Variants in LMLN observed in about 807,000 individuals in gnomAD.
The protein encoded by LMLN is leishmanolysin like peptidase.
In LMLN, 70 loss-of-function variants were observed where a neutral mutation model predicts 92.3. The ratio of observed to expected loss-of-function variants is 0.76; its 90% CI spans 0.63 to 0.92. LMLN has a LOEUF of 0.92. LMLN is among the 40% of genes least tolerant of loss of function. The pLI, the probability that LMLN is intolerant of heterozygous loss-of-function variation, is 0.00. For missense variants in LMLN, 691 were observed against 814.6 expected (o/e 0.85, Z 1.85); for synonymous variants, 308 against 296.2 (o/e 1.04, Z -0.41).
intron 10 of LMLN, among the ~76,000 whole-genome samples, chr3:197,998,169 A>G (rs1174869444): frequency 6.6e-6 from 1 of 152,220 alleles, no homozygotes; most frequent in Non-Finnish European, 1.5e-5. Context: ...CAAGACCACA[A>G]TAGACAGATG....
intron 9 of LMLN, 112 bp downstream of exon 9, chr3:197,990,788 G>A (rs1396571185): frequency 1.2e-5 from 7 of 571,662 alleles, no homozygotes; most frequent in Admixed American, 2.5e-5. Flanking sequence ...GCCTATAGTA[G>A]GAAAAGTCAT....
At chr3:197,995,277 T>C (rs1162776754) in intron 9 of LMLN, among the ~76,000 whole-genome samples, 1 of 152,166 alleles carries the variant, frequency 6.6e-6, no homozygotes, top group Non-Finnish European at 1.5e-5. Flanking sequence ...GAGAATTGAC[T>C]GTGCAGTTAC....
At chr3:198,012,751 C>A (rs1581167833) in intron 11 of LMLN, among the ~76,000 whole-genome samples, 1 of 150,784 alleles carries the variant, frequency 6.6e-6, no homozygotes, top group East Asian at 2.0e-4. Flanking sequence ...ACTAGTCTGA[C>A]TTCTCTGTAC....
intron 11 of LMLN, among the ~76,000 whole-genome samples, chr3:198,015,858 A>G (rs1243035663): frequency 6.6e-6 from 1 of 152,228 alleles, no homozygotes; most frequent in Admixed American, 6.5e-5. Flanking sequence ...TCCATCTTCC[A>G]GGAATTAGAA....
At chr3:197,988,862 A>G (rs1361353085) in intron 8 of LMLN, among the ~76,000 whole-genome samples, 3 of 151,820 alleles carry the variant, frequency 2.0e-5, no homozygotes, top group African/African-American at 7.3e-5. Flanking sequence ...TTGTGTTTTT[A>G]GTAGAGACGG....
At chr3:198,010,237 T>C (rs1028019814) in intron 11 of LMLN, among the ~76,000 whole-genome samples, 19 of 152,282 alleles carry the variant, frequency 1.2e-4, no homozygotes, top group African/African-American at 4.3e-4. Context: ...CACTGCAGCC[T>C]CCGCCTCCCG....
At chr3:197,976,701 G>C in exon 5 of LMLN, 1 of 1,522,770 alleles carries the variant, frequency 6.6e-7, no homozygotes, top group Non-Finnish European at 9.0e-7. Flanking sequence ...TATTGTTCCT[G>C]AGGAACATCT....
At position 197,992,012 on chromosome 3, in the gene LMLN, C is replaced by T. The variant is rs58632912; in HGVS notation, c.1047+1336C>T. On this transcript the variant is annotated intron_variant, in intron 9 of 15. Coordinates refer to ENST00000330198, the Ensembl canonical transcript of LMLN. ...AAGTAGCTGGAATTACAGGCTCCCACCACGATGCCTGGCTAATTTTTGTAT... is the reference window on the plus strand; with the variant it reads ...AAGTAGCTGGAATTACAGGCTCCCATCACGATGCCTGGCTAATTTTTGTAT... Among the ~76,000 whole-genome samples, 255 of 151,196 alleles carry T rather than the reference C, an allele frequency of 1.7e-3. 1 individual carries two copies. The highest frequency in any genetic ancestry group is 3.6e-3 in the African/African-American group (148 of 41,132).
chr3:198,009,870 G>A (rs1444289440), intron 11 of LMLN, among the ~76,000 whole-genome samples: 3 of 152,116 alleles, frequency 2.0e-5, no homozygotes, highest in African/African-American at 7.2e-5. Context: ...TGGGGTAAAT[G>A]AGATATTTTG....
chr3:198,026,576 A>G (rs1722938182), intron 14 of LMLN, among the ~76,000 whole-genome samples: 1 of 152,208 alleles, frequency 6.6e-6, no homozygotes, highest in African/African-American at 2.4e-5. Flanking sequence ...AAGTGCTGGG[A>G]TTATAAGCAT....
intron 3 of LMLN, among the ~76,000 whole-genome samples, chr3:197,975,610 T>A (rs1721350527): frequency 6.6e-6 from 1 of 152,238 alleles, no homozygotes; most frequent in African/African-American, 2.4e-5. Context: ...AAGATTTTCT[T>A]AACATAAACT....
chr3:198,024,274 GGTACA>G (rs1379941469), intron 13 of LMLN, among the ~76,000 whole-genome samples: 145 of 148,546 alleles, frequency 9.8e-4, no homozygotes, highest in African/African-American at 3.4e-3. Context: ...GGAGTGCAGT[GGTACA>G]ATCTCGGCTC....
chr3:198,012,381 G>A (rs184241505), intron 11 of LMLN, among the ~76,000 whole-genome samples: 45 of 152,310 alleles, frequency 3.0e-4, no homozygotes, highest in African/African-American at 5.1e-4. Flanking sequence ...TGGGTGAAGC[G>A]TTGCACAAAT....
intron 14 of LMLN, among the ~76,000 whole-genome samples, chr3:198,027,986 A>G (rs985896346): frequency 5.9e-5 from 9 of 151,960 alleles, no homozygotes; most frequent in Non-Finnish European, 1.2e-4. Context: ...TTTCTTTTTT[A>G]TTATTATTAA....
At chr3:197,982,813 C>A (rs1721596894) in intron 6 of LMLN, among the ~76,000 whole-genome samples, 1 of 152,216 alleles carries the variant, frequency 6.6e-6, no homozygotes, top group Non-Finnish European at 1.5e-5. Flanking sequence ...ACAAGGAAGA[C>A]CTCTTTGAGA....
chr3:197,980,030 T>C (rs977293485), intron 5 of LMLN, among the ~76,000 whole-genome samples: 5 of 152,214 alleles, frequency 3.3e-5, no homozygotes, highest in Non-Finnish European at 5.9e-5. Context: ...TTAAAACCTT[T>C]TATATTTCTG....
intron 10 of LMLN, among the ~76,000 whole-genome samples, chr3:197,997,270 C>T (rs905283836): frequency 1.3e-5 from 2 of 152,126 alleles, no homozygotes; most frequent in African/African-American, 4.8e-5. Context: ...GCTAGGAATA[C>T]AGGCAAGTGC....
intron 5 of LMLN, among the ~76,000 whole-genome samples, chr3:197,978,862 G>T (rs1295391423): frequency 6.6e-6 from 1 of 152,038 alleles, no homozygotes; most frequent in Non-Finnish European, 1.5e-5. Flanking sequence ...ATGGTGGTGG[G>T]TGCCTGTAGA....
intron 8 of LMLN, among the ~76,000 whole-genome samples, chr3:197,988,562 C>T (rs747511651): frequency 9.7e-5 from 14 of 144,956 alleles, no homozygotes; most frequent in Admixed American, 1.4e-4. Context: ...ATCATGATCA[C>T]GGCTTACTGC....
Sources: gnomAD v4.1 joint callset for allele counts (sites outside exome capture counted in the v4.1 genomes callset) on GRCh38, gnomAD v4.1.1 for gene constraint, MANE v1.5 for transcripts, NCBI Gene and HGNC (gene_info 2026-07-23, HGNC 2026-07-21) for gene names.